MTFR1: variants seen among roughly 807,000 people sequenced by gnomAD.
The protein encoded by MTFR1 is mitochondrial fission regulator 1.
In MTFR1, 28 loss-of-function variants were observed where a neutral mutation model predicts 38.8. That is an observed-to-expected ratio of 0.72 (90% CI 0.53 to 0.99). The LOEUF is 0.99. MTFR1 is among the 50% of genes least tolerant of loss of function. The probability of loss-of-function intolerance (pLI) is 0.00; values close to 1 mark genes in which losing one functional copy is unlikely to be tolerated. For missense variants in MTFR1, 358 were observed against 395.5 expected, an observed-to-expected ratio of 0.91 and a Z score of 0.81; for synonymous variants, 145 against 137.0, an observed-to-expected ratio of 1.06 and a Z score of -0.41.
At chr8:65,766,729 C>A (rs1378297447) in intron 3 of MTFR1, among the ~76,000 whole-genome samples, 1 of 152,122 alleles carries the variant, frequency 6.6e-6, no homozygotes, top group African/African-American at 2.4e-5. Flanking sequence ...TTATTAAGTG[C>A]CTCAAACTTA....
intron 4 of MTFR1, among the ~76,000 whole-genome samples, chr8:65,700,438 T>C (rs766583163): frequency 5.9e-5 from 9 of 152,124 alleles, no homozygotes; most frequent in Non-Finnish European, 1.0e-4. Context: ...GAAGAGAATT[T>C]TCAATAACAT....
chr8:65,741,231 A>G (rs1423084315), intron 3 of MTFR1, among the ~76,000 whole-genome samples: 1 of 152,230 alleles, frequency 6.6e-6, no homozygotes, highest in East Asian at 1.9e-4. Flanking sequence ...AGTAGACTAC[A>G]TCCTTCACAT....
chr8:65,761,424 T>G (rs1377032582), intron 3 of MTFR1, among the ~76,000 whole-genome samples: 1 of 152,196 alleles, frequency 6.6e-6, no homozygotes, highest in Admixed American at 6.5e-5. Context: ...TTTCACAGCA[T>G]AATGCACAAC....
intron 4 of MTFR1, among the ~76,000 whole-genome samples, chr8:65,698,832 G>A (rs1283534944): frequency 2.0e-5 from 3 of 151,874 alleles, no homozygotes; most frequent in Admixed American, 6.6e-5. Flanking sequence ...GGGTTCAAGC[G>A]ATTTTCATGC....
chr8:65,717,875 A>C (rs1429605652), intron 2 of MTFR1: 4 of 152,246 alleles, frequency 2.6e-5, no homozygotes, highest in Non-Finnish European at 5.9e-5. Flanking sequence ...ACTAAAAGAA[A>C]GCACCGGTTT....
At chr8:65,678,014 CAAAA>C (rs1328897906) in intron 2 of MTFR1, among the ~76,000 whole-genome samples, 5 of 78,390 alleles carry the variant, frequency 6.4e-5, no homozygotes, top group African/African-American at 4.5e-5. Flanking sequence ...GACTCTGTCT[CAAAA>C]AAAAAAAAAA....
At chr8:65,777,400 A>C in the MTFR1 span, among the ~76,000 whole-genome samples, 1 of 151,952 alleles carries the variant, frequency 6.6e-6, no homozygotes, top group African/African-American at 2.4e-5. Flanking sequence ...AATATAGTGA[A>C]TTACACTGAT....
chr8:65,645,703 C>T (rs915735069), intron 1 of MTFR1, among the ~76,000 whole-genome samples: 12 of 136,030 alleles, frequency 8.8e-5, no homozygotes, highest in South Asian at 3.6e-4. Flanking sequence ...CCCCCCCCCC[C>T]CCCTTTGTAG....
At chr8:65,650,950 C>T (rs1809106002) in intron 1 of MTFR1, among the ~76,000 whole-genome samples, 1 of 152,150 alleles carries the variant, frequency 6.6e-6, no homozygotes, top group Admixed American at 6.6e-5. Context: ...TTCTCCACAT[C>T]CTTGCCAGCA....
intron 2 of MTFR1, among the ~76,000 whole-genome samples, chr8:65,680,078 G>A (rs1804829912): frequency 6.7e-6 from 1 of 150,300 alleles, no homozygotes; most frequent in Non-Finnish European, 1.5e-5. Flanking sequence ...TTTGGAAAAT[G>A]TGTGATAAAA....
intron 3 of MTFR1, chr8:65,731,531 A>G (rs761517882): frequency 6.6e-6 from 1 of 152,238 alleles, no homozygotes; most frequent in Admixed American, 6.5e-5. Context: ...GAAAATCACA[A>G]TCTCTTCAGC....
intron 3 of MTFR1, chr8:65,727,214 GTTGA>G (rs1333418837): frequency 6.2e-7 from 1 of 1,613,168 alleles, no homozygotes; most frequent in Non-Finnish European, 8.5e-7. Context: ...ATAAGGAAAG[GTTGA>G]TTAACACCTG....
At chr8:65,655,820 G>A (rs187978690) in intron 1 of MTFR1, among the ~76,000 whole-genome samples, 16 of 149,744 alleles carry the variant, frequency 1.1e-4, no homozygotes, top group Middle Eastern at 3.5e-3. Flanking sequence ...ATGGTGGTGC[G>A]CACCTGTAAT....
At chr8:65,702,297 C>CTTTTTTTTTTTTTTTTTTTTTTT (rs530863447) in intron 4 of MTFR1, among the ~76,000 whole-genome samples, 1 of 110,272 alleles carries the variant, frequency 9.1e-6, no homozygotes, top group African/African-American at 3.2e-5. Context: ...TTCTTTCTTT[C>CTTTTTTTTTTTTTTTTTTTTTTT]TTTTTTTTTT....
At chr8:65,702,095 G>A (rs1805625153) in intron 4 of MTFR1, among the ~76,000 whole-genome samples, 1 of 152,056 alleles carries the variant, frequency 6.6e-6, no homozygotes, top group African/African-American at 2.4e-5. Flanking sequence ...GTTGAACAGA[G>A]CCTAAAACAG....
At chr8:65,757,885 G>A (rs1808311606) in intron 3 of MTFR1, among the ~76,000 whole-genome samples, 1 of 152,172 alleles carries the variant, frequency 6.6e-6, no homozygotes, top group African/African-American at 2.4e-5. Context: ...CCAAAGTGCT[G>A]GGATTACAGG....
At chr8:65,724,678 A>G in intron 3 of MTFR1, 1 of 1,067,320 alleles carries the variant, frequency 9.4e-7, no homozygotes, top group Non-Finnish European at 1.4e-6. Flanking sequence ...TGCCCTCAAG[A>G]TTTAACCATT....
At chr8:65,680,981 C>T (rs1585771912) in intron 2 of MTFR1, among the ~76,000 whole-genome samples, 1 of 147,112 alleles carries the variant, frequency 6.8e-6, no homozygotes, top group South Asian at 2.2e-4. Context: ...GGCGCAATCT[C>T]GGCTCACTGC....
the MTFR1 span, among the ~76,000 whole-genome samples, chr8:65,777,202 C>A: frequency 1.6e-4 from 24 of 151,798 alleles, no homozygotes; most frequent in African/African-American, 5.3e-4. Flanking sequence ...GCCTCGGCCT[C>A]CCAAGTAGCT....
Sources: gnomAD v4.1 joint callset for allele counts (sites outside exome capture counted in the v4.1 genomes callset) on GRCh38, gnomAD v4.1.1 for gene constraint, MANE v1.5 for transcripts, NCBI Gene and HGNC (gene_info 2026-07-23, HGNC 2026-07-21) for gene names.